Variants in USP8 observed in about 807,000 individuals in gnomAD.
USP8 encodes ubiquitin specific peptidase 8, also known as ubiquitin carboxyl-terminal hydrolase 8.
USP8 carries 27 observed loss-of-function variants against 130.0 expected under a neutral mutation model. The ratio of observed to expected loss-of-function variants is 0.21; its 90% confidence interval spans 0.15 to 0.29. The LOEUF (loss-of-function observed/expected upper bound fraction) is 0.29. Ranked by LOEUF, USP8 falls within the 10% of genes least tolerant of loss-of-function variation. The pLI, the probability that USP8 is intolerant of heterozygous loss-of-function variation, is 1.00. For synonymous variants in USP8, 392 were observed against 444.1 expected (o/e 0.88, Z 1.48); for missense variants, 1,029 against 1,312.2 (o/e 0.78, Z 3.33).
intron 16 of USP8, among the ~76,000 whole-genome samples, chr15:50,495,484 G>GGC (rs1555392685): frequency 8.7e-6 from 1 of 115,408 alleles, no homozygotes; most frequent in Admixed American, 7.9e-5. Flanking sequence ...AGTAGAGATT[G>GGC]GAGGGGGGGG....
intron 1 of USP8, among the ~76,000 whole-genome samples, chr15:50,432,841 G>A (rs2049974004): frequency 2.6e-5 from 4 of 152,096 alleles, no homozygotes; most frequent in Admixed American, 2.6e-4. Context: ...CAAGCATTTA[G>A]CACAGTGCTA....
chr15:50,449,322 G>A, intron 3 of USP8, 78 bp from the exon 4 acceptor site: 1 of 866,952 alleles, frequency 1.2e-6, no homozygotes, highest in South Asian at 2.3e-5. Flanking sequence ...TAAGCACCAT[G>A]ATTTTAATGA....
intron 1 of USP8, among the ~76,000 whole-genome samples, chr15:50,431,743 G>T (rs1423569970): frequency 2.0e-5 from 3 of 152,096 alleles, no homozygotes; most frequent in African/African-American, 7.2e-5. Flanking sequence ...TGCAACCTCT[G>T]CCCCCTGGGT....
rs760792621 is a variant in USP8 at position 50,459,070 on chromosome 15, C to A, written c.406C>A (p.Gln136Lys). 1 of 1,613,722 alleles carries A rather than the reference C, an allele frequency of 6.2e-7. No homozygotes were observed. ...DRQEEAQRLQQKRQETGREDG... is the reference protein window; with the variant it reads ...DRQEEAQRLQKKRQETGREDG... ...GCAGGAGGAAGCACAGCGGCTACAA[C>A]AAAAAAGGCAGGAAACAGGAAGAGA... is the stretch of plus-strand genomic sequence containing the variant. Residue 136 changes from glutamine (Q) to lysine (K), a missense_variant, in exon 5 of 20, where the codon CAA becomes AAA. Coordinates refer to ENST00000307179, the MANE Select transcript of USP8 (RefSeq NM_005154.5).
rs1423981224 is a variant in USP8, at chr15:50,506,193, A to G, written c.*7105A>G. On this transcript the variant is annotated 3_prime_UTR_variant, in exon 20 of 20. Coordinates refer to ENST00000307179, the MANE Select transcript of USP8 (RefSeq NM_005154.5). The stretch of plus-strand genomic sequence containing the variant: ...TAGTAGCAGCAAGAACAACAGGGGA[A>G]AACAACACAGCAGAGGTCCCCAACC... The G allele has an allele frequency of 6.6e-6, 1 of 152,440 alleles. No homozygotes were observed. Among genetic ancestry groups the G allele is most frequent in the Non-Finnish European group, 1.5e-5 (1 of 68,212 alleles). The allele number at this position is 152,440 out of a possible 1,614,324, so 9.4% of individuals were successfully genotyped here.
At chr15:50,441,580 G>A (rs2050262170) in intron 3 of USP8, 87 bp downstream of exon 3, 2 of 1,146,378 alleles carry the variant, frequency 1.7e-6, no homozygotes, top group Non-Finnish European at 2.4e-6. Context: ...AAGTAATAAT[G>A]AAATGTAGCT....
intron 4 of USP8, among the ~76,000 whole-genome samples, chr15:50,456,275 G>T (rs2050786101): frequency 6.6e-6 from 1 of 152,098 alleles, no homozygotes; most frequent in Non-Finnish European, 1.5e-5. Context: ...TAAGCGTAAA[G>T]ATAGAAACTG....
At position 50,485,550 on chromosome 15, in the gene USP8, A is replaced by ATTTTTTTTTTTTT. The variant is rs71424071; in HGVS notation, c.1890+1210_1890+1222dup. 5.0e-4 allele frequency among the ~76,000 whole-genome samples: 14 copies of ATTTTTTTTTTTTT among 27,944 alleles called. 2 individuals carry two copies. Among genetic ancestry groups the ATTTTTTTTTTTTT allele is most frequent in the South Asian group, 2.4e-3 (1 of 414 alleles). The allele number at this position is 27,944 out of a possible 152,430, so 18.3% of individuals were successfully genotyped here. Reference sequence around the variant, plus strand: ...CCCATTTTTAGCATGCAGTTTAGTGATTTTTTTTTTTTTTTTTTTTTTTTT... The same window carrying ATTTTTTTTTTTTT: ...CCCATTTTTAGCATGCAGTTTAGTGATTTTTTTTTTTTTTTTTTTTTTTTTTTTTTTTTTTTTT... On this transcript the variant is annotated intron_variant, in intron 12 of 19. Coordinates refer to ENST00000307179, the MANE Select transcript of USP8 (RefSeq NM_005154.5).
intron 7 of USP8, among the ~76,000 whole-genome samples, chr15:50,466,468 G>A (rs2051190473): frequency 1.3e-5 from 2 of 151,968 alleles, no homozygotes. Context: ...GGTGGCGTAT[G>A]CCTATAATCC....
At chr15:50,494,704 T>TA (rs1293552076) in intron 16 of USP8, among the ~76,000 whole-genome samples, 5 of 152,194 alleles carry the variant, frequency 3.3e-5, no homozygotes, top group African/African-American at 1.2e-4. Flanking sequence ...CCTTTATTCT[T>TA]ACACATCCTT....
At chr15:50,466,881 C>A (rs2051207888) in intron 7 of USP8, 1 of 400,334 alleles carries the variant, frequency 2.5e-6, no homozygotes, top group Admixed American at 2.6e-5. Context: ...GAAAAAGAAT[C>A]TCAAAGTGAA....
intron 11 of USP8, 21 bp from the exon 12 acceptor site, chr15:50,484,254 G>A: frequency 1.3e-6 from 2 of 1,581,102 alleles, no homozygotes; most frequent in Non-Finnish European, 8.6e-7. Context: ...TTTCACTTCT[G>A]TAATTTTAAT....
At chr15:50,482,372 AG>A (rs2051805765) in intron 11 of USP8, among the ~76,000 whole-genome samples, 1 of 152,246 alleles carries the variant, frequency 6.6e-6, no homozygotes, top group Non-Finnish European at 1.5e-5. Flanking sequence ...GATCATGGGA[AG>A]ACTAGAGTGA....
Position 50,507,511 on chromosome 15 carries a change from A to G in USP8, c.*8423A>G, listed in dbSNP as rs761122465. ...TAAAATGGTCCCTAAGATAGAATGC[A>G]TTGTAAATGAGTCACTTTATAATGA... On this transcript the variant is annotated 3_prime_UTR_variant, in exon 20 of 20. Coordinates refer to ENST00000307179, the MANE Select transcript of USP8 (RefSeq NM_005154.5). 2.0e-5 allele frequency: 3 copies of G among 152,164 alleles called. No individual in the cohort carries two copies. The highest frequency in any genetic ancestry group is 2.9e-5 in the Non-Finnish European group (2 of 68,022). 9.4% of individuals were successfully genotyped at this position (152,164 alleles called of 1,614,324 possible). A position where few individuals can be genotyped will look rare whatever the true frequency, so the allele number is the denominator to read the frequency against.
chr15:50,434,533 T>C (rs2050038149), intron 1 of USP8, among the ~76,000 whole-genome samples: 1 of 152,204 alleles, frequency 6.6e-6, no homozygotes, highest in African/African-American at 2.4e-5. Context: ...TTTTTGTTGT[T>C]AGAAGCACGT....
chr15:50,459,274 T>C, intron 5 of USP8, 112 bp downstream of exon 5: 1 of 1,362,422 alleles, frequency 7.3e-7, no homozygotes, highest in Non-Finnish European at 9.8e-7. Context: ...AGGATGAAAT[T>C]TAATGTTTTA....
Position 50,476,723 on chromosome 15 carries a change from T to G in USP8, c.850-126T>G, listed in dbSNP as rs1398365737. 8.5e-6 allele frequency: 9 copies of G among 1,057,936 alleles called. No individual in the cohort carries two copies. In the East Asian group the frequency reaches 2.6e-4, roughly 31 times the overall value. 65.5% of individuals were successfully genotyped at this position (1,057,936 alleles called of 1,614,324 possible). On this transcript the variant is annotated intron_variant, in intron 8 of 19. Transcript: ENST00000307179. ...TAATGTTGAATTTTGAATTCAGTTC[T>G]CATTTTGTCATTATTTAGAAGATAA...
In USP8 at chr15:50,500,032, A is replaced by G. The variant is rs2052553151; in HGVS notation, c.*944A>G. ...TGTATTAAGAGGGTTAAAGGAGCTT[A>G]TAATTTATTTAACCGAGGGACTCAG... On this transcript the variant is annotated 3_prime_UTR_variant, in exon 20 of 20. Transcript: ENST00000307179. 1 of 152,182 alleles carries G rather than the reference A, an allele frequency of 6.6e-6. No homozygotes were observed. The highest frequency in any genetic ancestry group is 1.5e-5 in the Non-Finnish European group (1 of 68,018). 9.4% of individuals were successfully genotyped at this position (152,182 alleles called of 1,614,324 possible).
intron 16 of USP8, among the ~76,000 whole-genome samples, chr15:50,495,017 TAAAAAAAAA>T (rs34381291): frequency 8.8e-6 from 1 of 113,514 alleles, no homozygotes; most frequent in Non-Finnish European, 1.9e-5. Context: ...AGACTCTTTC[TAAAAAAAAA>T]AAAAAAAAAA....
Sources: allele counts gnomAD v4.1 joint callset (sites outside exome capture counted in the v4.1 genomes callset), GRCh38; gene constraint gnomAD v4.1.1; transcripts MANE v1.5; gene names NCBI Gene and HGNC (gene_info 2026-07-23, HGNC 2026-07-21).